TYW1B: variants seen among roughly 807,000 people sequenced by gnomAD.
TYW1B encodes the protein S-adenosyl-L-methionine-dependent tRNA 4-demethylwyosine synthase TYW1B.
TYW1B carries 73 observed loss-of-function variants against 86.9 expected under a neutral mutation model. The ratio of observed to expected loss-of-function variants is 0.84; its 90% confidence interval spans 0.70 to 1.02. The LOEUF (loss-of-function observed/expected upper bound fraction) is 1.02. TYW1B is among the 50% of genes least tolerant of loss of function. The probability of loss-of-function intolerance (pLI) is 0.00; values close to 1 mark genes in which losing one functional copy is unlikely to be tolerated. For missense variants in TYW1B, 637 were observed against 827.4 expected (o/e 0.77, Z 2.82); for synonymous variants, 248 against 292.8 (o/e 0.85, Z 1.56).
chr7:72,612,043 T>TCTC (rs1811946152), intron 13 of TYW1B, among the ~76,000 whole-genome samples: 2 of 151,770 alleles, frequency 1.3e-5, no homozygotes, highest in Non-Finnish European at 2.9e-5. Flanking sequence ...TCTTCTCTTT[T>TCTC]TCTCTCTCTC....
At chr7:72,693,196 A>G (rs1814215597) in intron 11 of TYW1B, among the ~76,000 whole-genome samples, 1 of 152,114 alleles carries the variant, frequency 6.6e-6, no homozygotes, top group Non-Finnish European at 1.5e-5. Flanking sequence ...GGAAAGAAGG[A>G]GGATTAATGG....
chr7:72,740,815 C>A (rs1787290889), intron 8 of TYW1B, among the ~76,000 whole-genome samples: 1 of 150,032 alleles, frequency 6.7e-6, no homozygotes, highest in Non-Finnish European at 1.5e-5. Flanking sequence ...ACTGCAAGCT[C>A]CACCTCCCGA....
chr7:72,655,827 C>T (rs755456986), intron 11 of TYW1B, among the ~76,000 whole-genome samples: 2 of 152,132 alleles, frequency 1.3e-5, no homozygotes, highest in East Asian at 3.9e-4. Flanking sequence ...TGTCCAGGAG[C>T]CTGGGGATCA....
chr7:72,805,578 A>T (rs1385758733), intron 5 of TYW1B, among the ~76,000 whole-genome samples: 2 of 151,110 alleles, frequency 1.3e-5, no homozygotes, highest in Non-Finnish European at 2.9e-5. Flanking sequence ...ATACCGTTGT[A>T]CTCTGACTGG....
At position 72,684,489 on chromosome 7, in the gene TYW1B, C is replaced by T. The variant is rs148934507; in HGVS notation, c.1506+10198G>A. On this transcript the variant is annotated intron_variant, in intron 11 of 13. Transcript: ENST00000620995. ...CACCCTATGAAAATGTCCTTCAACA[C>T]TGAGAGAGAAATACTTTTTCAGACA... is the stretch of plus-strand genomic sequence containing the variant. Among the ~76,000 whole-genome samples, 163 of 152,018 alleles carry T rather than the reference C, an allele frequency of 1.1e-3. 1 individual carries two copies. Among genetic ancestry groups the T allele is most frequent in the Admixed American group, 2.9e-3 (45 of 15,256 alleles).
intron 11 of TYW1B, among the ~76,000 whole-genome samples, chr7:72,655,859 CCACTGT>C (rs1163542076): frequency 6.6e-6 from 1 of 152,172 alleles, no homozygotes; most frequent in African/African-American, 2.4e-5. Context: ...CTGTCACCGC[CCACTGT>C]CACCAACTGC....
chr7:72,743,836 CT>C (rs1787347057), intron 8 of TYW1B, among the ~76,000 whole-genome samples: 1 of 145,040 alleles, frequency 6.9e-6, no homozygotes, highest in Non-Finnish European at 1.5e-5. Context: ...AAGAGCGAAA[CT>C]CCATCTCAAA....
intron 10 of TYW1B, among the ~76,000 whole-genome samples, chr7:72,711,980 C>T (rs1166556879): frequency 2.6e-5 from 4 of 151,936 alleles, no homozygotes; most frequent in African/African-American, 4.8e-5. Context: ...GCAGTCTAAT[C>T]GGGGAAAACA....
chr7:72,660,519 T>C (rs1240749310), intron 11 of TYW1B, among the ~76,000 whole-genome samples: 1 of 152,190 alleles, frequency 6.6e-6, no homozygotes, highest in African/African-American at 2.4e-5. Context: ...ACCATTTCTG[T>C]TGAGAAAGAA....
chr7:72,657,900 T>C (rs1339526952), intron 11 of TYW1B, among the ~76,000 whole-genome samples: 5 of 152,208 alleles, frequency 3.3e-5, no homozygotes, highest in Admixed American at 3.3e-4. Context: ...TACAAGTTTA[T>C]TGAAAAATAA....
chr7:72,620,555 C>T (rs1165444023), intron 12 of TYW1B, among the ~76,000 whole-genome samples: 94 of 152,210 alleles, frequency 6.2e-4, no homozygotes, highest in African/African-American at 2.0e-3. Context: ...GGGGTCACCT[C>T]AGGGACCCCG....
At chr7:72,643,198 C>A (rs1554441680) in intron 11 of TYW1B, among the ~76,000 whole-genome samples, 2 of 151,868 alleles carry the variant, frequency 1.3e-5, no homozygotes, top group African/African-American at 4.8e-5. Flanking sequence ...AACAAAAGAA[C>A]AGAAATTAAT....
At chr7:72,709,575 G>A (rs1814698733) in intron 10 of TYW1B, among the ~76,000 whole-genome samples, 1 of 152,186 alleles carries the variant, frequency 6.6e-6, no homozygotes, top group Admixed American at 6.6e-5. Flanking sequence ...GGCTGAGGCA[G>A]GAGAATCACT....
At chr7:72,644,973 G>C (rs782736376) in intron 11 of TYW1B, among the ~76,000 whole-genome samples, 4 of 151,876 alleles carry the variant, frequency 2.6e-5, no homozygotes, top group Non-Finnish European at 5.9e-5. Flanking sequence ...GACTACAGGC[G>C]TGTGCCACCA....
At chr7:72,718,805 A>C (rs1786837801) in intron 9 of TYW1B, among the ~76,000 whole-genome samples, 1 of 152,220 alleles carries the variant, frequency 6.6e-6, no homozygotes, top group South Asian at 2.1e-4. Flanking sequence ...GCAGCTGAGT[A>C]GAAAGGCAGG....
At chr7:72,754,144 T>G (rs781791147) in intron 7 of TYW1B, among the ~76,000 whole-genome samples, 54 of 152,130 alleles carry the variant, frequency 3.5e-4, no homozygotes, top group Non-Finnish European at 6.2e-4. Context: ...TTGTTTGTTT[T>G]TTGTTTTGGT....
intron 11 of TYW1B, among the ~76,000 whole-genome samples, chr7:72,679,281 G>T: frequency 6.6e-6 from 1 of 152,138 alleles, no homozygotes; most frequent in Non-Finnish European, 1.5e-5. Flanking sequence ...TCCAACCACA[G>T]GTTAGTTCCG....
intron 11 of TYW1B, among the ~76,000 whole-genome samples, chr7:72,639,974 A>C (rs1301569689): frequency 6.6e-6 from 1 of 152,200 alleles, no homozygotes; most frequent in Non-Finnish European, 1.5e-5. Context: ...AATGGAGTTA[A>C]GTATTCTAAG....
At chr7:72,631,198 C>T (rs1554439737) in intron 11 of TYW1B, among the ~76,000 whole-genome samples, 3 of 151,670 alleles carry the variant, frequency 2.0e-5, no homozygotes, top group Non-Finnish European at 4.4e-5. Flanking sequence ...AGTCAATAGT[C>T]AACACTATTC....
Sources: allele counts gnomAD v4.1 joint callset (sites outside exome capture counted in the v4.1 genomes callset), GRCh38; gene constraint gnomAD v4.1.1; transcripts MANE v1.5; gene names NCBI Gene and HGNC (gene_info 2026-07-23, HGNC 2026-07-21).